NOX5: variants seen among roughly 807,000 people sequenced by gnomAD.
The protein encoded by NOX5 is NADPH oxidase 5.
Under a neutral mutation model 85.7 loss-of-function variants are expected in NOX5, and 76 were observed. That is an observed-to-expected ratio of 0.89 (90% CI 0.74 to 1.07). NOX5 has a LOEUF of 1.07. Among genes scored for constraint, NOX5 ranks in the 50% least tolerant of loss-of-function variants. The pLI is 0.00. For synonymous variants in NOX5, 405 were observed against 401.4 expected, an observed-to-expected ratio of 1.01 and a Z score of -0.11; for missense variants, 973 against 999.5, an observed-to-expected ratio of 0.97 and a Z score of 0.36.
intron 7 of NOX5, among the ~76,000 whole-genome samples, chr15:69,036,266 G>A (rs8031540): frequency 0.063 from 9,539 of 152,226 alleles, 503 homozygotes; most frequent in East Asian, 0.22. Context: ...CTTACTGGTC[G>A]CTCAACCTTT....
chr15:69,033,823 A>G (rs1199295110), intron 5 of NOX5, among the ~76,000 whole-genome samples: 1 of 149,324 alleles, frequency 6.7e-6, no homozygotes, highest in Non-Finnish European at 1.5e-5. Context: ...GCCTCCCCGT[A>G]GCTGGAATTA....
chr15:69,020,172 T>C (rs2050280028), intron 1 of NOX5, among the ~76,000 whole-genome samples: 1 of 152,238 alleles, frequency 6.6e-6, no homozygotes, highest in African/African-American at 2.4e-5. Flanking sequence ...ACTGTTATTG[T>C]TGCCCTTTTA....
rs1028338178 is a variant in NOX5, at chr15:69,060,385, G to A, written c.*3689G>A. ...TTTGCCCTCTGGGAGGCAGGGCACT[G>A]AGTCCTACACTTGCCTCTGCCACAG... On this transcript the variant is annotated 3_prime_UTR_variant, in exon 16 of 16. Coordinates refer to ENST00000388866, the MANE Select transcript of NOX5 (RefSeq NM_024505.4). 8 of 152,350 alleles carry A rather than the reference G, an allele frequency of 5.3e-5. 1 individual carries two copies. Among genetic ancestry groups the A allele is most frequent in the South Asian group, 4.1e-4 (2 of 4,828 alleles). 9.4% of individuals were successfully genotyped at this position (152,350 alleles called of 1,614,324 possible).
chr15:69,053,638 T>C (rs762329086), intron 14 of NOX5, among the ~76,000 whole-genome samples: 9 of 152,202 alleles, frequency 5.9e-5, no homozygotes, highest in Non-Finnish European at 1.2e-4. Context: ...TTTCCTTGCT[T>C]TGGATGATTT....
chr15:69,014,799 T>A lies in NOX5; in HGVS notation c.50+14T>A. On this transcript the variant is annotated intron_variant, in intron 1 of 15. Transcript: ENST00000388866. ...AGGCTGTAGAGGGTGAGTGGCTCAT[T>A]TGTCCAGCTTTCCATGCCAGGGACA... 6.5e-7 allele frequency: 1 copy of A among 1,530,316 alleles called. No individual in the cohort carries two copies. Among genetic ancestry groups the A allele is most frequent in the Non-Finnish European group, 8.9e-7 (1 of 1,128,550 alleles). The allele number at this position is 1,530,316 out of a possible 1,614,324, so 94.8% of individuals were successfully genotyped here. A position where few individuals can be genotyped will look rare whatever the true frequency, so the allele number is the denominator to read the frequency against.
Position 69,031,729 on chromosome 15 carries a change from G to T in NOX5, c.537G>T (p.Ala179=). ...LTLALFESAD[A]DGNGAITFEE... The stretch of plus-strand genomic sequence containing the variant: ...TGGCGCTCTTCGAATCGGCCGACGC[G>T]GACGGCAACGGGGCCATCACCTTCG... The change falls in exon 4 of 16, where the codon GCG becomes GCT. Residue 179 remains alanine, a synonymous_variant. Coordinates refer to ENST00000388866, the MANE Select transcript of NOX5 (RefSeq NM_024505.4). 6.2e-7 allele frequency: 1 copy of T among 1,612,856 alleles called. No homozygotes were observed. Among genetic ancestry groups the T allele is most frequent in the Non-Finnish European group, 8.5e-7 (1 of 1,179,668 alleles).
At chr15:69,052,881 G>A (rs2050766909) in intron 14 of NOX5, among the ~76,000 whole-genome samples, 2 of 152,104 alleles carry the variant, frequency 1.3e-5, no homozygotes, top group Admixed American at 1.3e-4. Context: ...TCAATTTTAT[G>A]ATGACAAGCT....
intron 10 of NOX5, among the ~76,000 whole-genome samples, chr15:69,045,552 C>CTTTCTTTCTTTCTTTCTTTCTTTCT (rs1595786104): frequency 1.6e-5 from 2 of 126,468 alleles, no homozygotes; most frequent in African/African-American, 6.4e-5. Flanking sequence ...TTCTTTCTTT[C>CTTTCTTTCTTTCTTTCTTTCTTTCT]TTTCTTTCTT....
intron 2 of NOX5, among the ~76,000 whole-genome samples, chr15:69,027,382 A>G (rs2140252564): frequency 6.6e-6 from 1 of 152,252 alleles, no homozygotes; most frequent in South Asian, 2.1e-4. Context: ...GATGGTAGAG[A>G]GTGATAAAGG....
chr15:69,037,290 T>G, intron 8 of NOX5, 80 bp downstream of exon 8: 25 of 1,317,780 alleles, frequency 1.9e-5, no homozygotes, highest in African/African-American at 2.9e-5. Flanking sequence ...CTGGATACCC[T>G]GTCAGACCCC....
At chr15:69,025,389 C>G (rs2050344519) in intron 1 of NOX5, among the ~76,000 whole-genome samples, 1 of 152,090 alleles carries the variant, frequency 6.6e-6, no homozygotes, top group Admixed American at 6.6e-5. Flanking sequence ...CAACAAAAAG[C>G]ACAAAAATGT....
Position 69,032,990 on chromosome 15 carries a change from A to T in NOX5, c.621-53A>T, listed in dbSNP as rs932907554. The stretch of plus-strand genomic sequence containing the variant: ...GAAGGGGGTCTTTAAGTTAAGACAC[A>T]GGTGGTCCCCGCCCCACCGCTCGCC... On this transcript the variant is annotated intron_variant, in intron 4 of 15. Transcript: ENST00000388866. 2.6e-6 allele frequency: 4 copies of T among 1,517,108 alleles called. No homozygotes were observed. The African/African-American group carries it at 4.4e-5, about 17-fold the overall frequency. 94.0% of individuals were successfully genotyped at this position (1,517,108 alleles called of 1,614,324 possible).
chr15:69,023,657 C>G (rs1343887317), intron 1 of NOX5: 1 of 179,872 alleles, frequency 5.6e-6, no homozygotes, highest in Non-Finnish European at 1.2e-5. Context: ...AAGATGTTAC[C>G]AAGCATTATA....
At chr15:69,017,044 T>C (rs1297279151) in intron 1 of NOX5, among the ~76,000 whole-genome samples, 1 of 152,154 alleles carries the variant, frequency 6.6e-6, no homozygotes, top group Non-Finnish European at 1.5e-5. Context: ...ACATTTATAC[T>C]CTATTGTCTT....
intron 9 of NOX5, among the ~76,000 whole-genome samples, chr15:69,041,752 T>C (rs1388185069): frequency 1.3e-5 from 2 of 152,260 alleles, no homozygotes; most frequent in Non-Finnish European, 2.9e-5. Context: ...TATTACTTTA[T>C]GTCAAGCTTG....
chr15:69,039,679 A>G (rs905771812), intron 9 of NOX5, among the ~76,000 whole-genome samples: 1 of 152,224 alleles, frequency 6.6e-6, no homozygotes, highest in African/African-American at 2.4e-5. Flanking sequence ...TAGAGCCCCA[A>G]GGCAGCAGAA....
chr15:69,028,669 A>G (rs2050391316), intron 3 of NOX5: 2 of 219,214 alleles, frequency 9.1e-6, no homozygotes, highest in African/African-American at 2.3e-5. Context: ...GATCTTTTCT[A>G]TGTCTGAAAA....
chr15:69,015,545 G>A (rs1427725215), intron 1 of NOX5, among the ~76,000 whole-genome samples: 1 of 152,186 alleles, frequency 6.6e-6, no homozygotes, highest in Non-Finnish European at 1.5e-5. Context: ...CATTTCTCCA[G>A]GTGCATGGGT....
intron 14 of NOX5, among the ~76,000 whole-genome samples, chr15:69,052,339 G>T (rs1567108596): frequency 6.6e-6 from 1 of 152,040 alleles, no homozygotes; most frequent in Non-Finnish European, 1.5e-5. Context: ...TCTCATCATT[G>T]TTAAGTATGA....
Sources: allele counts gnomAD v4.1 joint callset (sites outside exome capture counted in the v4.1 genomes callset), GRCh38; gene constraint gnomAD v4.1.1; transcripts MANE v1.5; gene names NCBI Gene and HGNC (gene_info 2026-07-23, HGNC 2026-07-21).